Variants in PCDHA9 observed in about 807,000 individuals in gnomAD.
PCDHA9 encodes protocadherin alpha-9.
PCDHA9 carries 62 observed loss-of-function variants against 62.0 expected under a neutral mutation model. The observed-to-expected ratio is 1.00, with a 90% CI of 0.81 to 1.23. The LOEUF is 1.23. Among genes scored for constraint, PCDHA9 ranks in the 50% most tolerant of loss-of-function variants. PCDHA9 has a pLI of 0.00. For missense variants in PCDHA9, 1,205 were observed against 1,249.8 expected, an observed-to-expected ratio of 0.96 and a Z score of 0.54; for synonymous variants, 557 against 567.6, an observed-to-expected ratio of 0.98 and a Z score of 0.27.
chr5:140,982,882 C>A (rs1554244920), intron 3 of PCDHA9, among the ~76,000 whole-genome samples: 1 of 151,972 alleles, frequency 6.6e-6, no homozygotes, highest in African/African-American at 2.4e-5. Flanking sequence ...CCAAGCCATG[C>A]AGAGAAGATC....
At chr5:140,998,906 AG>A (rs1267220398) in intron 3 of PCDHA9, among the ~76,000 whole-genome samples, 10 of 152,208 alleles carry the variant, frequency 6.6e-5, no homozygotes, top group Non-Finnish European at 1.5e-5. Context: ...TGCCTCCGGG[AG>A]GTAGCTATTA....
Position 141,012,272 on chromosome 5 carries a change from C to G in PCDHA9, c.*2335C>G, listed in dbSNP as rs186406635. On this transcript the variant is annotated 3_prime_UTR_variant, in exon 4 of 4. Transcript: ENST00000532602. ...TTACAGCTGTAAGGATAAAACACGTCATGTGGATTCATTTTGAATTGGTGC... is the reference window on the plus strand; with the variant it reads ...TTACAGCTGTAAGGATAAAACACGTGATGTGGATTCATTTTGAATTGGTGC... 3.3e-4 allele frequency: 51 copies of G among 153,858 alleles called. No individual in the cohort carries two copies. In the East Asian group the frequency reaches 6.6e-3, roughly 20 times the overall value. 9.5% of individuals were successfully genotyped at this position (153,858 alleles called of 1,614,324 possible). A position where few individuals can be genotyped will look rare whatever the true frequency, so the allele number is the denominator to read the frequency against.
At chr5:140,909,169 A>G (rs545864609) in intron 1 of PCDHA9, among the ~76,000 whole-genome samples, 1 of 152,356 alleles carries the variant, frequency 6.6e-6, no homozygotes, top group African/African-American at 2.4e-5. Context: ...AAATCAATCA[A>G]GTTCTCTCCA....
At chr5:140,967,355 C>G in intron 1 of PCDHA9, 1 of 1,608,112 alleles carries the variant, frequency 6.2e-7, no homozygotes, top group Non-Finnish European at 8.5e-7. Context: ...CGAGCTGGAC[C>G]TTAAGCCCCT....
In PCDHA9 at chr5:140,850,628, G is replaced by A. The variant is rs2150491387; in HGVS notation, c.2133G>A (p.Leu711=). The stretch of plus-strand genomic sequence containing the variant: ...CCATCTGCGCGGTGTCTAGCCTGTT[G>A]GTTCTCACGCTGCTGCTGTACACTG... The part of the protein sequence containing the change: ...IIAICAVSSL[L]VLTLLLYTVL... Residue 711 remains leucine, a synonymous_variant, in exon 1 of 4, where the codon TTG becomes TTA. Coordinates refer to ENST00000532602, the MANE Select transcript of PCDHA9 (RefSeq NM_031857.2). 2.4e-5 allele frequency: 38 copies of A among 1,598,590 alleles called. 4 individuals carry two copies. In the Middle Eastern group the frequency reaches 1.3e-3, roughly 56 times the overall value.
chr5:140,859,587 C>T, intron 1 of PCDHA9: 1 of 166,890 alleles, frequency 6.0e-6, no homozygotes, highest in Non-Finnish European at 1.3e-5. Context: ...TTGCCTATGG[C>T]TCTTAGCAAT....
chr5:140,893,110 G>A (rs2063824937), intron 1 of PCDHA9, among the ~76,000 whole-genome samples: 1 of 152,124 alleles, frequency 6.6e-6, no homozygotes, highest in South Asian at 2.1e-4. Context: ...ATATTCCGTT[G>A]TGCATATACA....
intron 1 of PCDHA9, chr5:140,878,013 G>A (rs1554170262): frequency 2.4e-6 from 2 of 839,000 alleles, no homozygotes; most frequent in South Asian, 2.6e-5. Context: ...TAACATTAAT[G>A]AAGGAAATAT....
At chr5:140,979,137 A>G (rs1554240284) in intron 2 of PCDHA9, 130 bp downstream of exon 2, 1 of 1,459,542 alleles carries the variant, frequency 6.9e-7, no homozygotes, top group Non-Finnish European at 9.0e-7. Context: ...GGAAAATGCA[A>G]TTATTTTGTC....
intron 1 of PCDHA9, chr5:140,928,542 C>A: frequency 6.2e-7 from 1 of 1,614,158 alleles, no homozygotes; most frequent in Non-Finnish European, 8.5e-7. Flanking sequence ...ATAGGAATGA[C>A]AATTATCCGG....
Position 140,850,812 on chromosome 5 carries a change from A to T in PCDHA9, c.2317A>T (p.Ser773Cys). 6.3e-7 allele frequency: 1 copy of T among 1,598,316 alleles called. No homozygotes were observed. The highest frequency in any genetic ancestry group is 8.6e-7 in the Non-Finnish European group (1 of 1,167,674). The change falls in exon 1 of 4, where the codon AGC (serine) becomes TGC (cysteine). Residue 773 changes from serine (S) to cysteine (C), a missense_variant. By Grantham distance (112) the Ser-to-Cys change is moderately radical (BLOSUM62 -1). Coordinates refer to ENST00000532602, the MANE Select transcript of PCDHA9 (RefSeq NM_031857.2). ...GCAGAAGACCGACCTCATGGCCTTCAGCCCGGGCCTTTCTCCTTGTGCTGG... is the reference window on the plus strand; with the variant it reads ...GCAGAAGACCGACCTCATGGCCTTCTGCCCGGGCCTTTCTCCTTGTGCTGG... ...GKQKTDLMAF[S>C]PGLSPCAGST...
chr5:140,969,168 C>T (rs1554231530), intron 1 of PCDHA9: 2 of 1,614,088 alleles, frequency 1.2e-6, no homozygotes, highest in Non-Finnish European at 1.7e-6. Flanking sequence ...ACAGCAGGCT[C>T]AGGGAGTGAC....
At chr5:140,973,342 A>ATAGTAATT (rs1437052159) in intron 1 of PCDHA9, among the ~76,000 whole-genome samples, 4 of 152,344 alleles carry the variant, frequency 2.6e-5, no homozygotes, top group Admixed American at 2.6e-4. Context: ...GTAAAGTGAC[A>ATAGTAATT]TAGTAGTGAA....
intron 1 of PCDHA9, chr5:140,871,090 A>G (rs782465793): frequency 1.2e-6 from 2 of 1,613,254 alleles, no homozygotes; most frequent in South Asian, 1.1e-5. Flanking sequence ...GGCCACGGCC[A>G]CCGTGCTGGT....
intron 1 of PCDHA9, chr5:140,967,025 C>A: frequency 1.2e-6 from 2 of 1,608,362 alleles, no homozygotes; most frequent in Non-Finnish European, 8.5e-7. Flanking sequence ...TGCGCCCAGT[C>A]CGCGCTACCT....
chr5:140,975,679 A>G (rs1312259048), intron 1 of PCDHA9, among the ~76,000 whole-genome samples: 1 of 152,250 alleles, frequency 6.6e-6, no homozygotes, highest in Non-Finnish European at 1.5e-5. Context: ...TATTAATAAA[A>G]TAGGGTATTT....
chr5:140,861,631 C>T, intron 1 of PCDHA9: 1 of 315,060 alleles, frequency 3.2e-6, no homozygotes, highest in Non-Finnish European at 6.4e-6. Flanking sequence ...GTGTTCTCAG[C>T]AACACAAAAG....
chr5:140,977,974 A>G (rs2096783738), intron 1 of PCDHA9, among the ~76,000 whole-genome samples: 1 of 152,182 alleles, frequency 6.6e-6, no homozygotes, highest in African/African-American at 2.4e-5. Context: ...CCGCCCATGA[A>G]AACGCATCTA....
In PCDHA9 at chr5:140,984,898, A is replaced by G. The variant is rs551340383; in HGVS notation, c.2542+2335A>G. ...GTTACCATGAGAACTAAAGGAGAAA[A>G]AAAGAACTGAGCATAGTGCTTGACA... On this transcript the variant is annotated intron_variant, in intron 3 of 3. Transcript: ENST00000532602. Among the ~76,000 whole-genome samples, 21 of 152,282 alleles carry G rather than the reference A, an allele frequency of 1.4e-4. No individual in the cohort carries two copies. The South Asian group carries it at 4.4e-3, about 32-fold the overall frequency.
Sources: gnomAD v4.1 joint callset for allele counts (sites outside exome capture counted in the v4.1 genomes callset) on GRCh38, gnomAD v4.1.1 for gene constraint, MANE v1.5 for transcripts, NCBI Gene and HGNC (gene_info 2026-07-23, HGNC 2026-07-21) for gene names.